The following TBC1D26 variants were observed in gnomAD, a reference collection of about 807,000 sequenced individuals.
TBC1D26 encodes the protein TBC1 domain family member 26.
In TBC1D26, 19 loss-of-function variants were observed where a neutral mutation model predicts 42.5. The ratio of observed to expected loss-of-function variants is 0.45; its 90% CI spans 0.31 to 0.66. The LOEUF (loss-of-function observed/expected upper bound fraction) is 0.66, where lower values mean the gene tolerates loss of function less well. TBC1D26 is among the 30% of genes least tolerant of loss of function. The pLI is 0.06. For synonymous variants in TBC1D26, 97 were observed against 123.5 expected (o/e 0.79, Z 1.42); for missense variants, 228 against 332.6 (o/e 0.69, Z 2.45).
At chr17:15,738,482 G>A in intron 7 of TBC1D26, 95 bp downstream of exon 7, 2 of 1,479,652 alleles carry the variant, frequency 1.4e-6, no homozygotes, top group Non-Finnish European at 1.9e-6. Context: ...GCCTGGGTTG[G>A]GAGTGGGGGC....
rs180856165 is a variant in TBC1D26, at chr17:15,738,711, T to G, written c.388-10T>G. ...TGAGGCTGCTTCCTCCTCTTGGCCC[T>G]GCCCTACAGGTCATGAAGGAGAAGG... On this transcript the variant is annotated splice_polypyrimidine_tract_variant and intron_variant, in intron 7 of 14. Coordinates refer to ENST00000437605, the MANE Select transcript of TBC1D26 (RefSeq NM_001388465.1). The G allele has an allele frequency of 6.2e-7, 1 of 1,613,972 alleles. No homozygotes were observed. The highest frequency in any genetic ancestry group is 2.2e-5 in the East Asian group (1 of 44,852).
intron 1 of TBC1D26, among the ~76,000 whole-genome samples, chr17:15,732,879 G>C (rs2529996): frequency 3.3e-5 from 5 of 152,220 alleles, no homozygotes; most frequent in Non-Finnish European, 4.4e-5. Context: ...GTGGGACCCA[G>C]TGGACACATG....
chr17:15,742,730 G>C (rs1274672274), intron 12 of TBC1D26, among the ~76,000 whole-genome samples, 179 bp from the exon 13 acceptor site: 3 of 152,220 alleles, frequency 2.0e-5, no homozygotes, highest in Non-Finnish European at 4.4e-5. Flanking sequence ...CCACAGCGCA[G>C]TTGAGATGAG....
In TBC1D26 at chr17:15,741,102, G is replaced by C. The variant is rs775308514; in HGVS notation, c.547-20G>C. On this transcript the variant is annotated intron_variant, in intron 9 of 14. Transcript: ENST00000437605. ...GTCCTCCTAGGTGACATCTTTCCAC[G>C]GTGACTCTGGCTCTTGCAGGAGGTG... is the stretch of plus-strand genomic sequence containing the variant. 6.2e-7 allele frequency: 1 copy of C among 1,606,688 alleles called. No individual in the cohort carries two copies. Among genetic ancestry groups the C allele is most frequent in the Non-Finnish European group, 8.5e-7 (1 of 1,179,744 alleles).
At chr17:15,737,750 A>G in intron 5 of TBC1D26, 1 of 808,840 alleles carries the variant, frequency 1.2e-6, no homozygotes, top group Non-Finnish European at 1.9e-6. Context: ...TTGAACCAAG[A>G]CCCCAGCTGA....
rs755289599 is a variant in TBC1D26 at position 15,740,265 on chromosome 17, T to C, written c.546+117T>C. 324 of 1,610,156 alleles carry C rather than the reference T, an allele frequency of 2.0e-4. 1 individual carries two copies. The highest frequency in any genetic ancestry group is 2.6e-4 in the Non-Finnish European group (309 of 1,177,332). ...TCAGTGTTTGTCCACCAGGACGTAG[T>C]AGGCAGGACTTCAGCTCGCTGCTGG... On this transcript the variant is annotated intron_variant, in intron 9 of 14. Transcript: ENST00000437605.
intron 8 of TBC1D26, among the ~76,000 whole-genome samples, chr17:15,739,821 C>CT (rs1462148107): frequency 2.6e-5 from 4 of 152,262 alleles, no homozygotes; most frequent in African/African-American, 9.6e-5. Context: ...AAAGACTGGA[C>CT]TTCTGTGTGT....
Position 15,735,354 on chromosome 17 carries a change from G to T in TBC1D26, c.6G>T (p.Glu2Asp), listed in dbSNP as rs746592338. The part of the protein sequence containing the change: M[E>D]MDGDPYNLPA... ...GGATGACTTTGTCTTGCAGGATGGA[G>T]ATGGATGGGGACCCGTATAACCTGC... The change falls in exon 3 of 15, where the codon GAG becomes GAT. Residue 2 changes from glutamate to aspartate, a missense_variant. This residue lies in a region of TBC1D26 where 18 missense variants were observed against 22.5 expected (regional missense o/e 0.80). Coordinates refer to ENST00000437605, the MANE Select transcript of TBC1D26 (RefSeq NM_001388465.1). The T allele has an allele frequency of 2.5e-6, 4 of 1,613,918 alleles. No homozygotes were observed. Among genetic ancestry groups the T allele is most frequent in the Non-Finnish European group, 3.4e-6 (4 of 1,179,836 alleles).
In TBC1D26 at chr17:15,740,053, C is replaced by T. The variant is rs780760106; in HGVS notation, c.498-47C>T. 55 of 1,582,518 alleles carry T rather than the reference C, an allele frequency of 3.5e-5. 1 individual carries two copies. The Middle Eastern group carries it at 6.7e-4, about 19-fold the overall frequency. ...TTTGTAGACAAAATGAAATTGACAGCGTCTGCACACACACAAAAAAAAAAC... is the reference window on the plus strand; with the variant it reads ...TTTGTAGACAAAATGAAATTGACAGTGTCTGCACACACACAAAAAAAAAAC... On this transcript the variant is annotated intron_variant, in intron 8 of 14. Coordinates refer to ENST00000437605, the MANE Select transcript of TBC1D26 (RefSeq NM_001388465.1).
chr17:15,735,044 T>G lies in TBC1D26; in HGVS notation c.-28T>G. 1 of 455,602 alleles carries G rather than the reference T, an allele frequency of 2.2e-6. No homozygotes were observed. The highest frequency in any genetic ancestry group is 3.3e-5 in the South Asian group (1 of 29,900). The allele number at this position is 455,602 out of a possible 1,614,324, so 28.2% of individuals were successfully genotyped here. A position where few individuals can be genotyped will look rare whatever the true frequency, so the allele number is the denominator to read the frequency against. On this transcript the variant is annotated 5_prime_UTR_variant, in exon 2 of 15. Coordinates refer to ENST00000437605, the MANE Select transcript of TBC1D26 (RefSeq NM_001388465.1). Reference sequence around the variant, plus strand: ...TCGTGGGGACTTCACCCTCAGCAAGTGGACGCCGTTTGTCCTGCCAGGGCA... The same window carrying G: ...TCGTGGGGACTTCACCCTCAGCAAGGGGACGCCGTTTGTCCTGCCAGGGCA...
chr17:15,741,318 C>T, intron 10 of TBC1D26, 97 bp downstream of exon 10: 1 of 1,587,604 alleles, frequency 6.3e-7, no homozygotes, highest in Non-Finnish European at 8.5e-7. Flanking sequence ...CCCTGACTTC[C>T]AGGCAAGGTG....
rs1275900511 is a variant in TBC1D26 at position 15,744,259 on chromosome 17, T to G, written c.1074T>G (p.Asn358Lys). 1 of 152,230 alleles carries G rather than the reference T, an allele frequency of 6.6e-6. No individual in the cohort carries two copies. Among genetic ancestry groups the G allele is most frequent in the South Asian group, 2.1e-4 (1 of 4,832 alleles). 9.4% of individuals were successfully genotyped at this position (152,230 alleles called of 1,614,324 possible). A position where few individuals can be genotyped will look rare whatever the true frequency, so the allele number is the denominator to read the frequency against. The stretch of plus-strand genomic sequence containing the variant: ...ATCACGCAGGGAGCTTGCTACAAAA[T>G]GCACATTGCTATACCATAGCCTGGG... The part of the protein sequence containing the change: ...DLPPPGSLLQ[N>K]AHCYTIAWGL... Residue 358 changes from asparagine to lysine, a missense_variant, in exon 15 of 15, where the codon AAT becomes AAG. Around this residue, in one of 5 missense-constraint regions of TBC1D26, gnomAD observed 130 missense variants for 168.5 expected, o/e 0.77. Transcript: ENST00000437605.
Position 15,738,351 on chromosome 17 carries a change from T to C in TBC1D26, c.351T>C (p.Ile117=). ...GGGCGTGGTCACTTTTGCTAGATAT[T>C]GACAGAATCAAGTCCCAGAACCCAG... ...RGRAWSLLLD[I]DRIKSQNPGK... Residue 117 remains isoleucine (I), a synonymous_variant, in exon 7 of 15, where the codon ATT becomes ATC. Transcript: ENST00000437605. The C allele has an allele frequency of 6.2e-7, 1 of 1,613,708 alleles. No homozygotes were observed. Among genetic ancestry groups the C allele is most frequent in the Non-Finnish European group, 8.5e-7 (1 of 1,180,028 alleles).
chr17:15,732,815 T>C (rs150924282), intron 1 of TBC1D26, among the ~76,000 whole-genome samples: 148 of 152,018 alleles, frequency 9.7e-4, no homozygotes, highest in African/African-American at 1.1e-3. Flanking sequence ...GCTGGGTGTC[T>C]GCAGGAGGAG....
intron 10 of TBC1D26, 132 bp from the exon 11 acceptor site, chr17:15,741,810 T>C (rs1167797214): frequency 3.8e-6 from 3 of 799,408 alleles, no homozygotes; most frequent in East Asian, 2.7e-5. Context: ...TGAGGCTACA[T>C]GCTGGGGTCA....
At chr17:15,735,480 C>G (rs985922984) in intron 3 of TBC1D26, 57 bp downstream of exon 3, 13 of 1,548,706 alleles carry the variant, frequency 8.4e-6, no homozygotes, top group African/African-American at 4.2e-5. Flanking sequence ...CCGCTGTGCC[C>G]TGGTCACAGG....
intron 8 of TBC1D26, among the ~76,000 whole-genome samples, chr17:15,739,871 G>A (rs1967726228): frequency 6.6e-6 from 1 of 152,240 alleles, no homozygotes; most frequent in African/African-American, 2.4e-5. Context: ...CAACCAGAGT[G>A]AAAAATGATC....
At position 15,743,512 on chromosome 17, in the gene TBC1D26, C is replaced by T; in HGVS notation, c.1053C>T (p.Pro351=). 1 of 1,001,040 alleles carries T rather than the reference C, an allele frequency of 1.0e-6. No individual in the cohort carries two copies. The highest frequency in any genetic ancestry group is 4.4e-5 in the South Asian group (1 of 22,696). The allele number at this position is 1,001,040 out of a possible 1,614,324, so 62.0% of individuals were successfully genotyped here. A position where few individuals can be genotyped will look rare whatever the true frequency, so the allele number is the denominator to read the frequency against. Residue 351 remains proline (P), a synonymous_variant, in exon 14 of 15, where the codon CCC becomes CCT. Transcript: ENST00000437605. ...ELTKKHWDLP[P]PGSLLQNAHC... ...CAAAAAAACACTGGGACCTGCCACC[C>T]CCAGGTGGGCTCTAGCACCAGGTAC...
chr17:15,733,856 A>G (rs1858922909), intron 1 of TBC1D26: 1 of 152,240 alleles, frequency 6.6e-6, no homozygotes, highest in South Asian at 2.1e-4. Context: ...GCACTTGCAC[A>G]TAAGACGCAC....
Sources: gnomAD v4.1 joint callset for allele counts (sites outside exome capture counted in the v4.1 genomes callset) on GRCh38, gnomAD v4.1.1 for gene constraint, gnomAD v4.1.1 regional missense constraint, MANE v1.5 for transcripts, NCBI Gene and HGNC (gene_info 2026-07-23, HGNC 2026-07-21) for gene names.